TMEM14A: variants seen among roughly 807,000 people sequenced by gnomAD.
TMEM14A encodes transmembrane protein 14A.
A neutral mutation model predicts 11.6 loss-of-function variants in TMEM14A; 8 were observed. The observed-to-expected ratio is 0.69, with a 90% CI of 0.40 to 1.24. The LOEUF is 1.24. TMEM14A is among the 50% of genes most tolerant of loss of function. The pLI is 0.01. For missense variants in TMEM14A, 108 were observed against 121.9 expected, an observed-to-expected ratio of 0.89 and a Z score of 0.54; for synonymous variants, 34 against 45.5, an observed-to-expected ratio of 0.75 and a Z score of 1.02.
chr6:52,682,157 T>C (rs1169804756), intron 3 of TMEM14A, among the ~76,000 whole-genome samples: 1 of 152,216 alleles, frequency 6.6e-6, no homozygotes, highest in Non-Finnish European at 1.5e-5. Context: ...AAAATTGAAT[T>C]AGGAAAAGCA....
At chr6:52,674,442 C>T (rs1454273498) in intron 1 of TMEM14A, among the ~76,000 whole-genome samples, 1 of 152,126 alleles carries the variant, frequency 6.6e-6, no homozygotes, top group Non-Finnish European at 1.5e-5. Context: ...TGCTGTATAA[C>T]CTTCAGGCAT....
chr6:52,674,608 A>C (rs1171193498), intron 1 of TMEM14A, among the ~76,000 whole-genome samples: 1 of 152,150 alleles, frequency 6.6e-6, no homozygotes, highest in African/African-American at 2.4e-5. Context: ...ATTGCTCAAA[A>C]ACATTATAAC....
intron 3 of TMEM14A, 110 bp downstream of exon 3, chr6:52,682,024 T>C (rs1339786288): frequency 5.9e-6 from 5 of 842,454 alleles, no homozygotes; most frequent in South Asian, 1.8e-5. Flanking sequence ...CAAATGGCCA[T>C]ATGCATGTGT....
At chr6:52,678,328 T>TG (rs1491251572) in intron 2 of TMEM14A, among the ~76,000 whole-genome samples, 164 of 5,322 alleles carry the variant, frequency 0.031, 3 homozygotes, top group African/African-American at 0.1. Context: ...TATGTGTGTG[T>TG]TTGTGTGTGT....
At chr6:52,681,063 A>G (rs577767456) in intron 2 of TMEM14A, among the ~76,000 whole-genome samples, 48 of 152,178 alleles carry the variant, frequency 3.2e-4, no homozygotes, top group African/African-American at 1.2e-3. Flanking sequence ...AACAGATTCT[A>G]AATAGGGTGA....
rs1415758428 is a variant in TMEM14A at position 52,680,651 on chromosome 6, GTGTGTGTATATATA to G, written c.71-1156_71-1143del. On this transcript the variant is annotated intron_variant, in intron 2 of 4. Coordinates refer to ENST00000211314, the MANE Select transcript of TMEM14A (RefSeq NM_014051.4). Reference sequence around the variant, plus strand: ...TATATATATATGTGTGTATATATATGTGTGTGTATATATATGTGTATATATATATATACATATAT... The same window carrying G: ...TATATATATATGTGTGTATATATATGTGTGTATATATATATATACATATAT... 6.1e-3 allele frequency among the ~76,000 whole-genome samples: 61 copies of G among 10,072 alleles called. 6 individuals are homozygous for G. Among genetic ancestry groups the G allele is most frequent in the Admixed American group, 6.7e-3 (5 of 746 alleles). The allele number at this position is 10,072 out of a possible 152,430, so 6.6% of individuals were successfully genotyped here.
rs560476584 is a variant in TMEM14A at position 52,685,903 on chromosome 6, C to G, written c.261-107C>G. Reference sequence around the variant, plus strand: ...CAAGGGGTTGAGCTGGGAGAGCCCCCAAGCCAAGGATTAGTAACACTACTG... The same window carrying G: ...CAAGGGGTTGAGCTGGGAGAGCCCCGAAGCCAAGGATTAGTAACACTACTG... On this transcript the variant is annotated intron_variant, in intron 4 of 4. Transcript: ENST00000211314. 2.9e-6 allele frequency: 3 copies of G among 1,020,502 alleles called. No homozygotes were observed. The East Asian group carries it at 8.0e-5, about 27-fold the overall frequency. The allele number at this position is 1,020,502 out of a possible 1,614,324, so 63.2% of individuals were successfully genotyped here.
chr6:52,672,488 G>A (rs77514304), intron 1 of TMEM14A, among the ~76,000 whole-genome samples: 2,526 of 150,834 alleles, frequency 0.017, 39 homozygotes, highest in Non-Finnish European at 0.022. Context: ...TGTGTTGGGC[G>A]TCTCAGACTG....
intron 1 of TMEM14A, among the ~76,000 whole-genome samples, chr6:52,674,354 A>G (rs1475005696): frequency 1.3e-5 from 2 of 152,226 alleles, no homozygotes; most frequent in African/African-American, 4.8e-5. Flanking sequence ...GCTTTTTTTC[A>G]GCAGCTAACT....
chr6:52,678,490 T>C (rs1206343426), intron 2 of TMEM14A, among the ~76,000 whole-genome samples: 1 of 152,166 alleles, frequency 6.6e-6, no homozygotes, highest in East Asian at 1.9e-4. Flanking sequence ...ACCTGCACAA[T>C]ATGGTTTCTT....
intron 2 of TMEM14A, among the ~76,000 whole-genome samples, chr6:52,680,198 C>T (rs1038533741): frequency 6.6e-6 from 1 of 151,750 alleles, no homozygotes; most frequent in African/African-American, 2.4e-5. Context: ...TCAGGAATAG[C>T]GGAAGACTAT....
At chr6:52,673,366 G>A (rs1337808620) in intron 1 of TMEM14A, among the ~76,000 whole-genome samples, 1 of 150,168 alleles carries the variant, frequency 6.7e-6, no homozygotes, top group South Asian at 2.1e-4. Context: ...AAATCAAGTT[G>A]CCAGGTAGAG....
chr6:52,673,148 G>T (rs1769193100), intron 1 of TMEM14A, among the ~76,000 whole-genome samples: 1 of 152,154 alleles, frequency 6.6e-6, no homozygotes, highest in African/African-American at 2.4e-5. Context: ...CCCCTGTAGG[G>T]TAAATGCACC....
Position 52,686,546 on chromosome 6 carries a change from CTGAA to C in TMEM14A, c.*500_*503del. The C allele has an allele frequency of 2.6e-6, 1 of 377,368 alleles. No individual in the cohort carries two copies. Among genetic ancestry groups the C allele is most frequent in the East Asian group, 3.7e-5 (1 of 27,240 alleles). 23.4% of individuals were successfully genotyped at this position (377,368 alleles called of 1,614,324 possible). ...TTCTTAGCACACTGTTATGTCCTAA[CTGAA>C]TGTATTCAGTATTCAAATAAAAGAC... On this transcript the variant is annotated 3_prime_UTR_variant, in exon 5 of 5. Coordinates refer to ENST00000211314, the MANE Select transcript of TMEM14A (RefSeq NM_014051.4).
At chr6:52,684,193 TTCCTC>T (rs1191691778) in intron 4 of TMEM14A, 28 bp downstream of exon 4, 1 of 1,591,306 alleles carries the variant, frequency 6.3e-7, no homozygotes, top group South Asian at 1.1e-5. Context: ...GATCAATACT[TTCCTC>T]TGCTGTTGTT....
chr6:52,672,201 G>T (rs1297975775), intron 1 of TMEM14A, among the ~76,000 whole-genome samples: 1 of 152,108 alleles, frequency 6.6e-6, no homozygotes, highest in African/African-American at 2.4e-5. Context: ...TGCATGGCAG[G>T]GTTCTTGGTG....
intron 2 of TMEM14A, among the ~76,000 whole-genome samples, chr6:52,680,605 A>G (rs1769351218): frequency 2.6e-5 from 3 of 115,598 alleles, no homozygotes; most frequent in Admixed American, 1.0e-4. Context: ...ATATATATAT[A>G]TATATATGTA....
At chr6:52,672,306 T>C (rs1253577058) in intron 1 of TMEM14A, among the ~76,000 whole-genome samples, 4 of 140,438 alleles carry the variant, frequency 2.8e-5, no homozygotes, top group Admixed American at 7.1e-5. Flanking sequence ...TAAAAGGGTA[T>C]GGGTCCTCAA....
chr6:52,683,352 C>T (rs550610870), intron 3 of TMEM14A, among the ~76,000 whole-genome samples: 30 of 151,382 alleles, frequency 2.0e-4, no homozygotes, highest in African/African-American at 6.8e-4. Context: ...CTCAGCTACT[C>T]GGGAGGCTGA....
Sources: gnomAD v4.1 joint callset for allele counts (sites outside exome capture counted in the v4.1 genomes callset) on GRCh38, gnomAD v4.1.1 for gene constraint, MANE v1.5 for transcripts, NCBI Gene and HGNC (gene_info 2026-07-23, HGNC 2026-07-21) for gene names.